The following UBL3 variants were observed in gnomAD, a reference collection of about 807,000 sequenced individuals.
UBL3 encodes ubiquitin-like protein 3.
UBL3 carries 6 observed loss-of-function variants against 18.4 expected under a neutral mutation model. The ratio of observed to expected loss-of-function variants is 0.33; its 90% CI spans 0.18 to 0.64. UBL3 has a LOEUF of 0.64. UBL3 is among the 30% of genes least tolerant of loss of function. The pLI, the probability that UBL3 is intolerant of heterozygous loss-of-function variation, is 0.76. For synonymous variants in UBL3, 49 were observed against 46.6 expected (o/e 1.05, Z -0.21); for missense variants, 109 against 142.9 (o/e 0.76, Z 1.21).
At chr13:29,794,398 C>T (rs970895857) in intron 1 of UBL3, among the ~76,000 whole-genome samples, 1 of 151,764 alleles carries the variant, frequency 6.6e-6, no homozygotes, top group African/African-American at 2.4e-5. Flanking sequence ...GCATGTTGAC[C>T]TTTTCTGACC....
chr13:29,833,011 A>T (rs1029368228), intron 1 of UBL3, among the ~76,000 whole-genome samples: 2 of 152,226 alleles, frequency 1.3e-5, no homozygotes, highest in Admixed American at 6.5e-5. Flanking sequence ...AAGAAAGATT[A>T]TGGACAAGCA....
chr13:29,830,306 T>C (rs886515196), intron 1 of UBL3, among the ~76,000 whole-genome samples: 1 of 152,184 alleles, frequency 6.6e-6, no homozygotes, highest in Non-Finnish European at 1.5e-5. Flanking sequence ...AATAACAGGC[T>C]TACATCTGCA....
chr13:29,823,012 A>T (rs1593669387), intron 1 of UBL3, among the ~76,000 whole-genome samples: 1 of 152,164 alleles, frequency 6.6e-6, no homozygotes, highest in African/African-American at 2.4e-5. Context: ...TAAGAAGAAG[A>T]ATTTTATAAA....
chr13:29,777,054 T>C (rs1015044805), intron 2 of UBL3, 101 bp downstream of exon 2: 1 of 901,456 alleles, frequency 1.1e-6, no homozygotes. Context: ...CAATTTTCGG[T>C]TGTTCTTTTA....
intron 1 of UBL3, among the ~76,000 whole-genome samples, chr13:29,825,500 G>GT (rs1224353256): frequency 2.6e-5 from 4 of 152,122 alleles, no homozygotes; most frequent in Non-Finnish European, 5.9e-5. Context: ...TTGGCTCTCT[G>GT]TTTGTCTGTT....
rs1311765755 is a variant in UBL3 at position 29,765,889 on chromosome 13, A to G, written c.*1366T>C. ...TGTAAGGGCTGTTGACACTTAGTACAGAATGTAATGTCAGCCTGCAACTTC... is the reference window on the plus strand; with the variant it reads ...TGTAAGGGCTGTTGACACTTAGTACGGAATGTAATGTCAGCCTGCAACTTC... On this transcript the variant is annotated 3_prime_UTR_variant, in exon 5 of 5. Transcript: ENST00000380680. 8.0e-6 allele frequency: 1 copy of G among 124,902 alleles called. No individual in the cohort carries two copies. Among genetic ancestry groups the G allele is most frequent in the African/African-American group, 2.9e-5 (1 of 33,962 alleles). 7.7% of individuals were successfully genotyped at this position (124,902 alleles called of 1,614,324 possible).
intron 1 of UBL3, among the ~76,000 whole-genome samples, chr13:29,834,739 T>G (rs938363376): frequency 1.3e-5 from 2 of 151,996 alleles, no homozygotes; most frequent in African/African-American, 2.4e-5. Flanking sequence ...CTTTAAAATA[T>G]AGTAAAGAGG....
At chr13:29,843,998 A>G (rs542916972) in intron 1 of UBL3, among the ~76,000 whole-genome samples, 3 of 152,372 alleles carry the variant, frequency 2.0e-5, no homozygotes, top group South Asian at 2.1e-4. Context: ...CAACTCTTAA[A>G]TGCTTTGACA....
rs975223734 is a variant in UBL3 at position 29,850,591 on chromosome 13, G to C, written c.-1053C>G. The C allele has an allele frequency of 6.5e-6, 1 of 153,824 alleles. No individual in the cohort carries two copies. Among genetic ancestry groups the C allele is most frequent in the Non-Finnish European group, 1.4e-5 (1 of 69,622 alleles). The allele number at this position is 153,824 out of a possible 1,614,324, so 9.5% of individuals were successfully genotyped here. On this transcript the variant is annotated 5_prime_UTR_variant, in exon 1 of 5. Transcript: ENST00000380680. ...CTCAAACCAACATGGCGGCAGCGGC[G>C]GCGGCGGCGGCTGCCTGAGTGCGAC...
intron 1 of UBL3, among the ~76,000 whole-genome samples, chr13:29,809,168 A>G (rs1447973808): frequency 6.6e-6 from 1 of 152,124 alleles, no homozygotes. Flanking sequence ...CAAACAAACA[A>G]AAGACAACTT....
chr13:29,831,481 G>T (rs113188460), intron 1 of UBL3, among the ~76,000 whole-genome samples: 2,245 of 151,918 alleles, frequency 0.015, 56 homozygotes, highest in African/African-American at 0.05. Context: ...CCAGCTATTC[G>T]GGAGGCTGAG....
At chr13:29,779,338 T>C (rs1877083926) in intron 1 of UBL3, 1 of 374,454 alleles carries the variant, frequency 2.7e-6, no homozygotes, top group African/African-American at 2.2e-5. Context: ...TCTTCAGTCA[T>C]TAATGCCCAA....
Position 29,835,134 on chromosome 13 carries a change from ATATAT to A in UBL3, c.27+14373_27+14377del, listed in dbSNP as rs1878912674. On this transcript the variant is annotated intron_variant, in intron 1 of 4. Coordinates refer to ENST00000380680, the MANE Select transcript of UBL3 (RefSeq NM_007106.4). Reference sequence around the variant, plus strand: ...TATATATATATATATAAATATATATATATATATATATATATATATATATATATATA... The same window carrying A: ...TATATATATATATATAAATATATATAATATATATATATATATATATATATA... 4.0e-4 allele frequency among the ~76,000 whole-genome samples: 3 copies of A among 7,414 alleles called. 1 individual carries two copies. The highest frequency in any genetic ancestry group is 1.9e-3 in the African/African-American group (3 of 1,594). The allele number at this position is 7,414 out of a possible 152,430, so 4.9% of individuals were successfully genotyped here. A position where few individuals can be genotyped will look rare whatever the true frequency, so the allele number is the denominator to read the frequency against.
intron 1 of UBL3, among the ~76,000 whole-genome samples, chr13:29,780,777 T>C (rs986039308): frequency 1.3e-5 from 2 of 152,198 alleles, no homozygotes; most frequent in African/African-American, 2.4e-5. Flanking sequence ...TGTCATTCCA[T>C]ATAAAGAGAT....
At chr13:29,787,040 T>C (rs1488195318) in intron 1 of UBL3, among the ~76,000 whole-genome samples, 2 of 152,230 alleles carry the variant, frequency 1.3e-5, no homozygotes, top group African/African-American at 4.8e-5. Context: ...TTTTGAATTA[T>C]AGAAACCATT....
intron 1 of UBL3, among the ~76,000 whole-genome samples, chr13:29,837,906 A>C (rs901039284): frequency 2.0e-4 from 21 of 103,134 alleles, no homozygotes; most frequent in Admixed American, 9.6e-5. Context: ...CACCAGCAAG[A>C]CTCTGTCTCA....
intron 1 of UBL3, among the ~76,000 whole-genome samples, chr13:29,837,530 TC>T (rs1293031915): frequency 6.6e-6 from 1 of 152,132 alleles, no homozygotes; most frequent in African/African-American, 2.4e-5. Flanking sequence ...GTAATTGTAG[TC>T]CCATAAGGAA....
intron 1 of UBL3, among the ~76,000 whole-genome samples, chr13:29,794,508 A>G (rs1246857955): frequency 2.0e-5 from 3 of 152,226 alleles, no homozygotes; most frequent in Non-Finnish European, 4.4e-5. Flanking sequence ...GAAGATATAA[A>G]GAACATGGCT....
chr13:29,846,024 A>C (rs142826652), intron 1 of UBL3, among the ~76,000 whole-genome samples: 1 of 152,238 alleles, frequency 6.6e-6, no homozygotes, highest in African/African-American at 2.4e-5. Flanking sequence ...CAAAATTACC[A>C]TTGCTTGCCC....
Sources: gnomAD v4.1 joint callset for allele counts (sites outside exome capture counted in the v4.1 genomes callset) on GRCh38, gnomAD v4.1.1 for gene constraint, MANE v1.5 for transcripts, NCBI Gene and HGNC (gene_info 2026-07-23, HGNC 2026-07-21) for gene names.